Variants in PRKN observed in about 807,000 individuals in gnomAD.
The protein encoded by PRKN is E3 ubiquitin-protein ligase parkin.
A neutral mutation model predicts 59.5 loss-of-function variants in PRKN; 56 were observed. The ratio of observed to expected loss-of-function variants is 0.94; its 90% CI spans 0.76 to 1.18. The LOEUF is 1.18. Among genes scored for constraint, PRKN ranks in the 50% most tolerant of loss-of-function variants. The probability of loss-of-function intolerance (pLI) is 0.00; values close to 1 mark genes in which losing one functional copy is unlikely to be tolerated. For synonymous variants in PRKN, 250 were observed against 222.1 expected (o/e 1.13, Z -1.12); for missense variants, 657 against 596.4 (o/e 1.10, Z -1.06).
At chr6:162,539,942 A>C (rs1778862291) in intron 1 of PRKN, among the ~76,000 whole-genome samples, 1 of 152,198 alleles carries the variant, frequency 6.6e-6, no homozygotes, top group Admixed American at 6.5e-5. Flanking sequence ...TTTTGTTTTG[A>C]GATGGAGTCT....
chr6:161,368,726 C>A (rs1208197379), intron 10 of PRKN, among the ~76,000 whole-genome samples: 1 of 151,862 alleles, frequency 6.6e-6, no homozygotes, highest in Non-Finnish European at 1.5e-5. Context: ...TGCCCACCCG[C>A]CCTTCTGCCC....
chr6:161,818,204 T>C (rs1264361499), intron 6 of PRKN, among the ~76,000 whole-genome samples: 1 of 152,048 alleles, frequency 6.6e-6, no homozygotes, highest in African/African-American at 2.4e-5. Context: ...CAAAGACACA[T>C]AGGTGGAAAC....
intron 1 of PRKN, among the ~76,000 whole-genome samples, chr6:162,647,640 G>C (rs1342977599): frequency 2.6e-5 from 4 of 151,980 alleles, no homozygotes; most frequent in Admixed American, 2.6e-4. Flanking sequence ...ACTATTCAGG[G>C]CTTTCTGGAA....
At chr6:161,408,921 C>T (rs2114997802) in intron 9 of PRKN, among the ~76,000 whole-genome samples, 1 of 152,264 alleles carries the variant, frequency 6.6e-6, no homozygotes, top group Non-Finnish European at 1.5e-5. Flanking sequence ...CTTGCAGATG[C>T]TGTATTAAGG....
chr6:161,535,832 G>C (rs1432372519), intron 9 of PRKN, among the ~76,000 whole-genome samples: 1 of 152,058 alleles, frequency 6.6e-6, no homozygotes, highest in Non-Finnish European at 1.5e-5. Context: ...TTATGAGAGA[G>C]AGAAATAAAC....
intron 6 of PRKN, among the ~76,000 whole-genome samples, chr6:161,889,330 C>T (rs897109038): frequency 7.2e-5 from 11 of 152,236 alleles, no homozygotes; most frequent in Admixed American, 6.5e-4. Flanking sequence ...CAGCTCCAAT[C>T]GCAACTGCCA....
At chr6:162,482,074 G>A (rs1375716219) in intron 1 of PRKN, among the ~76,000 whole-genome samples, 25 of 151,966 alleles carry the variant, frequency 1.6e-4, no homozygotes, top group Admixed American at 1.4e-3. Context: ...AGAAACCCAT[G>A]GCAACACTCA....
chr6:161,655,303 T>C (rs1007905201), intron 7 of PRKN, among the ~76,000 whole-genome samples: 1 of 151,446 alleles, frequency 6.6e-6, no homozygotes, highest in South Asian at 2.1e-4. Flanking sequence ...ACCACCAAGG[T>C]GCACTGTCAC....
intron 7 of PRKN, among the ~76,000 whole-genome samples, chr6:161,619,267 G>A (rs868802205): frequency 1.5e-4 from 21 of 141,250 alleles, no homozygotes; most frequent in East Asian, 4.0e-4. Flanking sequence ...AAAGAGTGAC[G>A]CAATCTCGAT....
At chr6:162,353,362 A>C (rs768000308) in intron 2 of PRKN, among the ~76,000 whole-genome samples, 118 of 152,300 alleles carry the variant, frequency 7.7e-4, no homozygotes, top group Non-Finnish European at 1.3e-3. Flanking sequence ...ACTGCTAAAA[A>C]AAAAAAATGA....
At chr6:162,569,113 G>A (rs6934979) in intron 1 of PRKN, 124,503 of 652,786 alleles carry the variant, frequency 0.19, 13,790 homozygotes, top group African/African-American at 0.38. Context: ...CGTAGTATGA[G>A]GAGATCACCC....
In PRKN at chr6:161,995,067, G is replaced by C. The variant is rs1430909336; in HGVS notation, c.619-21650C>G. On this transcript the variant is annotated intron_variant, in intron 5 of 11. Transcript: ENST00000366898. The stretch of plus-strand genomic sequence containing the variant: ...CTGCAAAGCTATAGTAACCAAAACA[G>C]TAGGGTACTGGTATAAAAACATACA... Among the ~76,000 whole-genome samples the C allele has an allele frequency of 2.6e-5, 4 of 152,232 alleles. No individual in the cohort carries two copies. In the East Asian group the frequency reaches 7.7e-4, roughly 29 times the overall value.
intron 7 of PRKN, among the ~76,000 whole-genome samples, chr6:161,660,958 A>G (rs572427770): frequency 6.6e-6 from 1 of 152,058 alleles, no homozygotes; most frequent in Non-Finnish European, 1.5e-5. Flanking sequence ...CCACGGTGCC[A>G]TCTTTCACTC....
chr6:162,199,083 T>C (rs1045572327), intron 4 of PRKN, among the ~76,000 whole-genome samples: 1 of 152,176 alleles, frequency 6.6e-6, no homozygotes, highest in Non-Finnish European at 1.5e-5. Context: ...CTTTTCAACA[T>C]GAATTCCACC....
intron 2 of PRKN, among the ~76,000 whole-genome samples, chr6:162,354,922 T>A (rs1784783496): frequency 6.6e-6 from 1 of 152,030 alleles, no homozygotes; most frequent in South Asian, 2.1e-4. Flanking sequence ...TGAAAGGTTT[T>A]TTTTTAAATG....
intron 4 of PRKN, among the ~76,000 whole-genome samples, chr6:162,098,393 GA>G (rs1449484659): frequency 1.3e-5 from 2 of 152,092 alleles, no homozygotes; most frequent in Non-Finnish European, 2.9e-5. Context: ...TAATATAAAT[GA>G]AAGTCCTAGT....
At chr6:162,284,619 G>A (rs1018841951) in intron 2 of PRKN, among the ~76,000 whole-genome samples, 2 of 152,066 alleles carry the variant, frequency 1.3e-5, no homozygotes, top group South Asian at 2.1e-4. Context: ...TGAAGTTTGG[G>A]CAGTTTTTGA....
In PRKN at chr6:162,312,991, A is replaced by G. The variant is rs185775634; in HGVS notation, c.172-50226T>C. Reference sequence around the variant, plus strand: ...CTTTAATCTAGATGATATCACATATATACCTTAAAAATAATCTTGATTGAC... The same window carrying G: ...CTTTAATCTAGATGATATCACATATGTACCTTAAAAATAATCTTGATTGAC... On this transcript the variant is annotated intron_variant, in intron 2 of 11. Coordinates refer to ENST00000366898, the MANE Select transcript of PRKN (RefSeq NM_004562.3). 2.4e-4 allele frequency among the ~76,000 whole-genome samples: 37 copies of G among 152,328 alleles called. No individual in the cohort carries two copies. The East Asian group carries it at 6.4e-3, about 26-fold the overall frequency.
chr6:161,949,034 G>T (rs1295856384), intron 6 of PRKN, among the ~76,000 whole-genome samples: 1 of 152,180 alleles, frequency 6.6e-6, no homozygotes, highest in Non-Finnish European at 1.5e-5. Context: ...GGACTGCAGG[G>T]CTGCAGGGAA....
Sources: allele counts gnomAD v4.1 joint callset (sites outside exome capture counted in the v4.1 genomes callset), GRCh38; gene constraint gnomAD v4.1.1; transcripts MANE v1.5; gene names NCBI Gene and HGNC (gene_info 2026-07-23, HGNC 2026-07-21).